The following MYH9 variants were observed in gnomAD, a reference collection of about 807,000 sequenced individuals.
MYH9 encodes the protein myosin-9.
MYH9 carries 29 observed loss-of-function variants against 241.9 expected under a neutral mutation model. That is an observed-to-expected ratio of 0.12 (90% CI 0.09 to 0.16). The LOEUF (loss-of-function observed/expected upper bound fraction) is 0.16, where lower values mean the gene tolerates loss of function less well. Among genes scored for constraint, MYH9 ranks in the 10% least tolerant of loss-of-function variants. The pLI is 1.00. For synonymous variants in MYH9, 1,047 were observed against 1,062.6 expected (o/e 0.99, Z 0.29); for missense variants, 1,803 against 2,595.5 (o/e 0.69, Z 6.63).
chr22:36,386,955 C>G (rs2146434726), intron 1 of MYH9, among the ~76,000 whole-genome samples: 1 of 152,368 alleles, frequency 6.6e-6, no homozygotes, highest in African/African-American at 2.4e-5. Context: ...GAGCTAGCTG[C>G]CCCCGCACCC....
intron 31 of MYH9, 151 bp from the exon 32 acceptor site, chr22:36,289,448 A>G (rs2016650142): frequency 4.4e-6 from 3 of 679,558 alleles, no homozygotes; most frequent in Non-Finnish European, 7.5e-6. Context: ...TGTGCCCAGG[A>G]CAATACACAC....
chr22:36,310,149 A>G (rs1296297502), intron 14 of MYH9, among the ~76,000 whole-genome samples: 1 of 149,998 alleles, frequency 6.7e-6, no homozygotes, highest in Non-Finnish European at 1.5e-5. Flanking sequence ...ACAGGGCTGT[A>G]ATCTCAGCCC....
intron 31 of MYH9, 57 bp from the exon 32 acceptor site, chr22:36,289,354 C>A (rs1036170124): frequency 1.5e-5 from 23 of 1,517,976 alleles, no homozygotes; most frequent in South Asian, 2.4e-5. Flanking sequence ...CAGGGCAGGG[C>A]AGCTGGGCCT....
At chr22:36,286,421 G>A (rs1026930879) in intron 35 of MYH9, among the ~76,000 whole-genome samples, 2 of 152,190 alleles carry the variant, frequency 1.3e-5, no homozygotes, top group Non-Finnish European at 2.9e-5. Context: ...CAGGGCGGCC[G>A]AGGGGACGCT....
intron 1 of MYH9, among the ~76,000 whole-genome samples, chr22:36,374,609 T>C (rs1003491220): frequency 1.1e-4 from 17 of 152,220 alleles, no homozygotes; most frequent in African/African-American, 4.1e-4. Flanking sequence ...CCAAGTCCTT[T>C]GGCTAGAAAA....
intron 1 of MYH9, among the ~76,000 whole-genome samples, chr22:36,371,277 G>C (rs2018086152): frequency 6.6e-6 from 1 of 152,166 alleles, no homozygotes; most frequent in Admixed American, 6.5e-5. Context: ...AGGTCCTTCG[G>C]GTAGGCCCTA....
chr22:36,286,196 A>G (rs2016577472), intron 35 of MYH9, among the ~76,000 whole-genome samples: 1 of 152,196 alleles, frequency 6.6e-6, no homozygotes, highest in South Asian at 2.1e-4. Flanking sequence ...GGGTATGGCG[A>G]TAAGTAAGAA....
chr22:36,315,694 G>A (rs1313454859), intron 12 of MYH9, among the ~76,000 whole-genome samples: 3 of 151,942 alleles, frequency 2.0e-5, no homozygotes, highest in African/African-American at 7.3e-5. Flanking sequence ...GCTGCAGTGA[G>A]CCATGTTCAC....
Position 36,305,909 on chromosome 22 carries a change from G to C in MYH9, c.2159+21C>G, listed in dbSNP as rs758560893. ...ACGCACAGCAGGGCCCAGGAGAAGC[G>C]GGCTCCGGGCCCTGGCTCACCTCTG... On this transcript the variant is annotated intron_variant, in intron 17 of 40. Coordinates refer to ENST00000216181, the MANE Select transcript of MYH9 (RefSeq NM_002473.6). This position sits in a 1 kb window ranked among gnomAD's most constrained non-coding sequence, Gnocchi z 4.7. The C allele has an allele frequency of 1.2e-6, 2 of 1,612,368 alleles. No homozygotes were observed. The highest frequency in any genetic ancestry group is 1.3e-5 in the African/African-American group (1 of 74,906).
At chr22:36,336,615 A>C (rs1277569343) in intron 3 of MYH9, among the ~76,000 whole-genome samples, 5 of 152,310 alleles carry the variant, frequency 3.3e-5, no homozygotes, top group African/African-American at 1.2e-4. Context: ...AATTAACAAC[A>C]TGGGAAAGCC....
intron 1 of MYH9, among the ~76,000 whole-genome samples, chr22:36,384,038 A>G (rs2018300582): frequency 6.6e-6 from 1 of 151,570 alleles, no homozygotes; most frequent in Admixed American, 6.6e-5. Context: ...TGGGAGGTCG[A>G]GGCCGGTGGA....
intron 6 of MYH9, 23 bp from the exon 7 acceptor site, chr22:36,321,844 A>G: frequency 6.2e-7 from 1 of 1,607,198 alleles, no homozygotes; most frequent in Non-Finnish European, 8.5e-7. Context: ...GGATAGCAAG[A>G]GATCAGAGGT....
At chr22:36,387,193 C>T (rs879534596) in intron 1 of MYH9, among the ~76,000 whole-genome samples, 1 of 152,140 alleles carries the variant, frequency 6.6e-6, no homozygotes, top group Non-Finnish European at 1.5e-5. Flanking sequence ...ACCAGTCCGA[C>T]GGCAGCGGGC....
Position 36,289,131 on chromosome 22 carries a change from G to A in MYH9, c.4511C>T (p.Thr1504Met), listed in dbSNP as rs150565890. 2.1e-4 allele frequency: 336 copies of A among 1,614,016 alleles called. No individual in the cohort carries two copies. Among genetic ancestry groups the A allele is most frequent in the African/African-American group, 9.9e-4 (74 of 75,038 alleles). Residue 1504 changes from threonine (T) to methionine (M), a missense_variant, in exon 32 of 41, where the codon ACG becomes ATG. By Grantham distance (81) the Thr-to-Met change is moderately conservative. Around this residue, in one of 11 missense-constraint regions of MYH9, gnomAD observed 876 missense variants for 1,077.8 expected, o/e 0.81. Coordinates refer to ENST00000216181, the MANE Select transcript of MYH9 (RefSeq NM_002473.6). ...ELERLNKQFR[T>M]EMEDLMSSKD... is the part of the protein sequence containing the mutation. ...GGAGCTCATAAGGTCCTCCATCTCCGTGCGGAACTGCTTGTTGAGCCGCTC... is the reference window on the plus strand; with the variant it reads ...GGAGCTCATAAGGTCCTCCATCTCCATGCGGAACTGCTTGTTGAGCCGCTC...
chr22:36,284,347 A>AC, intron 39 of MYH9, 56 bp downstream of exon 39: 1 of 1,605,974 alleles, frequency 6.2e-7, no homozygotes, highest in East Asian at 2.2e-5. Context: ...CCTGCCTGTC[A>AC]CCCCATCTGC....
At chr22:36,299,342 G>A (rs1309523038) in intron 23 of MYH9, among the ~76,000 whole-genome samples, 1 of 152,172 alleles carries the variant, frequency 6.6e-6, no homozygotes, top group Non-Finnish European at 1.5e-5. Flanking sequence ...GGGACAGATG[G>A]CTCCACTCCT....
chr22:36,382,869 A>T (rs1165203500), intron 1 of MYH9, among the ~76,000 whole-genome samples: 1 of 152,106 alleles, frequency 6.6e-6, no homozygotes, highest in Non-Finnish European at 1.5e-5. Flanking sequence ...TCCCATACAT[A>T]ACTTGTGGGC....
At chr22:36,291,964 G>A in intron 31 of MYH9, 22 bp downstream of exon 31, 1 of 1,614,040 alleles carries the variant, frequency 6.2e-7, no homozygotes, top group Non-Finnish European at 8.5e-7. Context: ...AAATGCAAAG[G>A]ATGGGGCCAA....
At chr22:36,324,373 C>G (rs966012546) in intron 5 of MYH9, among the ~76,000 whole-genome samples, 3 of 152,244 alleles carry the variant, frequency 2.0e-5, no homozygotes, top group African/African-American at 7.2e-5. Context: ...GGTTACCCAT[C>G]GGTTTCTGAA....
Sources: allele counts gnomAD v4.1 joint callset (sites outside exome capture counted in the v4.1 genomes callset), GRCh38; gene constraint gnomAD v4.1.1; regional missense constraint gnomAD v4.1.1; non-coding constraint Gnocchi (gnomAD v3.1); transcripts MANE v1.5; gene names NCBI Gene and HGNC (gene_info 2026-07-23, HGNC 2026-07-21).